RNF13: variants seen among roughly 807,000 people sequenced by gnomAD.
RNF13 encodes the protein E3 ubiquitin-protein ligase RNF13.
A neutral mutation model predicts 37.7 loss-of-function variants in RNF13; 19 were observed. The observed-to-expected ratio is 0.50, with a 90% CI of 0.35 to 0.74. The LOEUF (loss-of-function observed/expected upper bound fraction) is 0.74. RNF13 is among the 30% of genes least tolerant of loss of function. RNF13 has a pLI of 0.01. For synonymous variants in RNF13, 144 were observed against 157.8 expected (o/e 0.91, Z 0.65); for missense variants, 375 against 453.0 (o/e 0.83, Z 1.56).
chr3:149,813,021 C>T (rs77240208), upstream of RNF13: 3,111 of 152,520 alleles, frequency 0.02, 43 homozygotes, highest in Non-Finnish European at 0.03. Context: ...CTGCTCTTCC[C>T]TTCCAGGGAA....
intron 3 of RNF13, among the ~76,000 whole-genome samples, chr3:149,864,490 A>G (rs1255550510): frequency 3.3e-5 from 5 of 152,178 alleles, no homozygotes. Context: ...TAAACGCACC[A>G]AGACAGTAAC....
intron 1 of RNF13, among the ~76,000 whole-genome samples, chr3:149,834,875 A>G (rs1721433255): frequency 6.6e-6 from 1 of 152,242 alleles, no homozygotes; most frequent in African/African-American, 2.4e-5. Context: ...TTATAGCGAC[A>G]CAAATGGACT....
At chr3:149,923,764 C>CAA (rs375634287) in intron 8 of RNF13, among the ~76,000 whole-genome samples, 28 of 54,910 alleles carry the variant, frequency 5.1e-4, no homozygotes, top group African/African-American at 7.2e-4. Flanking sequence ...GACTCCATCT[C>CAA]AAAAAAAAAA....
intron 8 of RNF13, among the ~76,000 whole-genome samples, chr3:149,931,031 G>C (rs1347110921): frequency 6.6e-6 from 1 of 151,488 alleles, no homozygotes; most frequent in Admixed American, 6.6e-5. Flanking sequence ...TGATTTTCTG[G>C]TGTTTTTTTG....
At chr3:149,917,036 T>G (rs1717595385) in intron 7 of RNF13, among the ~76,000 whole-genome samples, 1 of 152,168 alleles carries the variant, frequency 6.6e-6, no homozygotes, top group Non-Finnish European at 1.5e-5. Context: ...TCTTTATCAC[T>G]CTTAATGTTT....
At chr3:149,824,898 T>C (rs192021555) in intron 1 of RNF13, among the ~76,000 whole-genome samples, 1 of 151,974 alleles carries the variant, frequency 6.6e-6, no homozygotes, top group Non-Finnish European at 1.5e-5. Context: ...TCATGGGAGT[T>C]TGCTGACTAG....
chr3:149,856,383 G>A (rs1045917588), intron 3 of RNF13, among the ~76,000 whole-genome samples: 4 of 151,376 alleles, frequency 2.6e-5, no homozygotes, highest in East Asian at 1.9e-4. Context: ...AAATAAATAC[G>A]TTAAAAATAT....
chr3:149,886,036 C>G (rs748582273), intron 4 of RNF13, among the ~76,000 whole-genome samples: 1 of 152,060 alleles, frequency 6.6e-6, no homozygotes, highest in Non-Finnish European at 1.5e-5. Context: ...AAAATGAGTT[C>G]ACTGTAGGTG....
intron 2 of RNF13, among the ~76,000 whole-genome samples, chr3:149,851,973 C>T (rs1417580946): frequency 6.6e-6 from 1 of 152,158 alleles, no homozygotes; most frequent in African/African-American, 2.4e-5. Context: ...TGAATACCTC[C>T]AGCTTTTTCC....
At position 149,962,108 on chromosome 3, in the gene RNF13, T is replaced by TAAAC. The variant is rs1353156727; in HGVS notation, c.*1006_*1009dup. On this transcript the variant is annotated 3_prime_UTR_variant, in exon 10 of 10. Transcript: ENST00000392894. Reference sequence around the variant, plus strand: ...TGTATGAGGGGAGTTTGAATGTTAATAAACATGTTTTCCACTTTAAGATCC... The same window carrying TAAAC: ...TGTATGAGGGGAGTTTGAATGTTAATAAACAAACATGTTTTCCACTTTAAGATCC... 6.6e-6 allele frequency: 1 copy of TAAAC among 152,642 alleles called. No individual in the cohort carries two copies. Among genetic ancestry groups the TAAAC allele is most frequent in the African/African-American group, 2.4e-5 (1 of 41,456 alleles). 9.5% of individuals were successfully genotyped at this position (152,642 alleles called of 1,614,324 possible). A position where few individuals can be genotyped will look rare whatever the true frequency, so the allele number is the denominator to read the frequency against.
intron 8 of RNF13, among the ~76,000 whole-genome samples, chr3:149,956,950 T>C (rs549467895): frequency 6.6e-6 from 1 of 152,202 alleles, no homozygotes; most frequent in Admixed American, 6.5e-5. Context: ...CAAAACTGTT[T>C]CCAGATATCA....
At chr3:149,850,913 A>G (rs1723063380) in intron 2 of RNF13, among the ~76,000 whole-genome samples, 1 of 152,214 alleles carries the variant, frequency 6.6e-6, no homozygotes, top group Non-Finnish European at 1.5e-5. Context: ...ACTATGGAGT[A>G]CTCTGCAAAT....
chr3:149,921,556 G>A (rs893715672), intron 8 of RNF13, among the ~76,000 whole-genome samples: 2 of 152,128 alleles, frequency 1.3e-5, no homozygotes, highest in African/African-American at 2.4e-5. Context: ...GCAGTGTTTG[G>A]TTTTCTGTCC....
intron 1 of RNF13, among the ~76,000 whole-genome samples, chr3:149,826,321 G>T (rs945719691): frequency 6.6e-6 from 1 of 152,318 alleles, no homozygotes; most frequent in Non-Finnish European, 1.5e-5. Flanking sequence ...TAACTGTAAG[G>T]ACTATAGTGT....
intron 4 of RNF13, among the ~76,000 whole-genome samples, chr3:149,881,674 C>T (rs1477358239): frequency 6.6e-6 from 1 of 152,162 alleles, no homozygotes; most frequent in Non-Finnish European, 1.5e-5. Context: ...GTTTTGGCTT[C>T]TGTTTTTTGG....
intron 3 of RNF13, among the ~76,000 whole-genome samples, chr3:149,871,466 T>C (rs1268925625): frequency 1.3e-5 from 2 of 150,578 alleles, no homozygotes; most frequent in African/African-American, 4.9e-5. Context: ...GTCTTCCTTA[T>C]TTTTTTAAAT....
At chr3:149,891,011 A>T (rs184590349) in intron 4 of RNF13, among the ~76,000 whole-genome samples, 10 of 152,302 alleles carry the variant, frequency 6.6e-5, no homozygotes, top group Non-Finnish European at 4.4e-5. Flanking sequence ...TGTTATCTGC[A>T]TCTTGATGCT....
At chr3:149,943,396 A>G (rs1266495065) in intron 8 of RNF13, among the ~76,000 whole-genome samples, 1 of 152,042 alleles carries the variant, frequency 6.6e-6, no homozygotes, top group Non-Finnish European at 1.5e-5. Flanking sequence ...ATGTACATGA[A>G]CATATCATTA....
At chr3:149,846,550 C>T (rs1722657279) in intron 2 of RNF13, among the ~76,000 whole-genome samples, 1 of 152,194 alleles carries the variant, frequency 6.6e-6, no homozygotes, top group African/African-American at 2.4e-5. Flanking sequence ...AGGTGATCTT[C>T]CCGCCTTGGC....
Sources: allele counts gnomAD v4.1 joint callset (sites outside exome capture counted in the v4.1 genomes callset), GRCh38; gene constraint gnomAD v4.1.1; transcripts MANE v1.5; gene names NCBI Gene and HGNC (gene_info 2026-07-23, HGNC 2026-07-21).